The following WDFY3 variants were observed in gnomAD, a reference collection of about 807,000 sequenced individuals.
WDFY3 encodes the protein WD repeat and FYVE domain-containing protein 3.
WDFY3 carries 66 observed loss-of-function variants against 409.6 expected under a neutral mutation model. That is an observed-to-expected ratio of 0.16 (90% CI 0.13 to 0.20). The LOEUF is 0.20. Among genes scored for constraint, WDFY3 ranks in the 10% least tolerant of loss-of-function variants. The probability of loss-of-function intolerance (pLI) is 1.00; values close to 1 mark genes in which losing one functional copy is unlikely to be tolerated. For missense variants in WDFY3, 3,031 were observed against 4,298.1 expected, an observed-to-expected ratio of 0.71 and a Z score of 8.24; for synonymous variants, 1,521 against 1,537.1, an observed-to-expected ratio of 0.99 and a Z score of 0.25.
At chr4:84,849,695 GGCAGAGTA>G (rs2150105423) in intron 5 of WDFY3, 199 bp downstream of exon 5, 5 of 532,006 alleles carry the variant, frequency 9.4e-6, no homozygotes, top group Middle Eastern at 5.2e-4. Context: ...TAGTGGTCCA[GGCAGAGTA>G]GCCTTGAGCA....
intron 32 of WDFY3, among the ~76,000 whole-genome samples, chr4:84,757,544 T>C (rs1741673372): frequency 6.6e-6 from 1 of 152,188 alleles, no homozygotes; most frequent in South Asian, 2.1e-4. Flanking sequence ...TTTAGAATGC[T>C]ACAAAAACAT....
At chr4:84,791,317 G>A (rs923150162) in intron 21 of WDFY3, among the ~76,000 whole-genome samples, 14 of 152,106 alleles carry the variant, frequency 9.2e-5, no homozygotes, top group African/African-American at 3.1e-4. Context: ...CATATACTGC[G>A]TGACTCCACT....
At chr4:84,753,934 T>A in intron 34 of WDFY3, 58 bp from the exon 35 acceptor site, 6 of 1,448,936 alleles carry the variant, frequency 4.1e-6, no homozygotes, top group Non-Finnish European at 5.5e-6. Flanking sequence ...TGCTATAAAT[T>A]ATTTTAAAAA....
chr4:84,733,722 T>C (rs760692167), intron 43 of WDFY3, 113 bp from the exon 44 acceptor site: 44 of 1,009,894 alleles, frequency 4.4e-5, no homozygotes, highest in Admixed American at 1.3e-4. Flanking sequence ...ATCCACACCA[T>C]TTCAGTTAAC....
intron 64 of WDFY3, among the ~76,000 whole-genome samples, chr4:84,681,544 C>A (rs1038348762): frequency 6.6e-6 from 1 of 152,190 alleles, no homozygotes; most frequent in African/African-American, 2.4e-5. Flanking sequence ...AAGCTACTTT[C>A]AGCTTATATA....
chr4:84,678,152 A>G lies in WDFY3; in HGVS notation c.10259+16T>C. On this transcript the variant is annotated intron_variant, in intron 66 of 67. Coordinates refer to ENST00000295888, the MANE Select transcript of WDFY3 (RefSeq NM_014991.6). ...ACTCAGATGGGAAGCGGAGCTGGAA[A>G]AAGCCTGACACTTACTTGGAGATGC... 2 of 1,606,496 alleles carry G rather than the reference A, an allele frequency of 1.2e-6. No individual in the cohort carries two copies. Among genetic ancestry groups the G allele is most frequent in the Non-Finnish European group, 1.7e-6 (2 of 1,173,116 alleles).
chr4:84,738,917 C>T, intron 40 of WDFY3, 93 bp downstream of exon 40: 11 of 1,292,800 alleles, frequency 8.5e-6, no homozygotes, highest in East Asian at 2.3e-5. Flanking sequence ...GCTATCAATG[C>T]TGGCAGTTTC....
chr4:84,933,554 A>C (rs922146152), intron 1 of WDFY3, among the ~76,000 whole-genome samples: 3 of 151,916 alleles, frequency 2.0e-5, no homozygotes, highest in African/African-American at 7.3e-5. Context: ...CATTCCAATT[A>C]TACTTATTTT....
chr4:84,675,965 T>G (rs753742248), intron 67 of WDFY3, among the ~76,000 whole-genome samples: 50 of 152,074 alleles, frequency 3.3e-4, no homozygotes, highest in Non-Finnish European at 6.2e-4. Context: ...ATGTGAAAAA[T>G]AAAACTTTGA....
chr4:84,705,582 G>T, intron 53 of WDFY3, 71 bp from the exon 54 acceptor site: 1 of 1,219,218 alleles, frequency 8.2e-7, no homozygotes, highest in Non-Finnish European at 1.2e-6. Flanking sequence ...AGATACAGTG[G>T]CTGTTGTGGA....
chr4:84,940,701 C>T (rs961502364), intron 1 of WDFY3, among the ~76,000 whole-genome samples: 12 of 151,748 alleles, frequency 7.9e-5, no homozygotes, highest in African/African-American at 2.7e-4. Context: ...GATATCAAAA[C>T]CAGACAAAGA....
chr4:84,725,758 G>A (rs1735552597), intron 45 of WDFY3, among the ~76,000 whole-genome samples: 1 of 152,060 alleles, frequency 6.6e-6, no homozygotes, highest in Admixed American at 6.6e-5. Flanking sequence ...CCCTTTTCAA[G>A]CAACATTTTT....
chr4:84,705,933 C>T (rs951829753), intron 53 of WDFY3, among the ~76,000 whole-genome samples: 1 of 151,938 alleles, frequency 6.6e-6, no homozygotes, highest in Non-Finnish European at 1.5e-5. Flanking sequence ...TCCCTCCCTC[C>T]ACCCCCGCCC....
chr4:84,736,033 C>A, intron 42 of WDFY3, 137 bp downstream of exon 42: 1 of 907,840 alleles, frequency 1.1e-6, no homozygotes, highest in Non-Finnish European at 1.5e-6. Flanking sequence ...AGAGAAATTC[C>A]CATAGTCTGG....
intron 56 of WDFY3, among the ~76,000 whole-genome samples, chr4:84,701,908 C>G (rs1284664069): frequency 1.3e-5 from 2 of 152,226 alleles, no homozygotes; most frequent in African/African-American, 4.8e-5. Flanking sequence ...GGATGTACCA[C>G]TCTTAGCTAT....
At position 84,821,363 on chromosome 4, in the gene WDFY3, G is replaced by T; in HGVS notation, c.1312C>A (p.Pro438Thr). The T allele has an allele frequency of 1.2e-6, 2 of 1,613,780 alleles. No individual in the cohort carries two copies. The highest frequency in any genetic ancestry group is 2.2e-5 in the South Asian group (2 of 91,074). Reference sequence around the variant, plus strand: ...TCAAAGTATTTGTTTTGTACTTCTGGGAGTTTAGAAATCTTCTCTGCAAAC... The same window carrying T: ...TCAAAGTATTTGTTTTGTACTTCTGTGAGTTTAGAAATCTTCTCTGCAAAC... ...SQFAEKISKL[P>T]EVQNKYFEML... Residue 438 changes from proline to threonine, a missense_variant, in exon 11 of 68, where the codon CCA (proline) becomes ACA (threonine). By Grantham distance (38) the Pro-to-Thr change is conservative. This residue lies in a region of WDFY3 where 1,322 missense variants were observed against 1,697.9 expected (regional missense o/e 0.78). Coordinates refer to ENST00000295888, the MANE Select transcript of WDFY3 (RefSeq NM_014991.6).
At chr4:84,757,634 G>A (rs539179522) in intron 32 of WDFY3, among the ~76,000 whole-genome samples, 2 of 152,216 alleles carry the variant, frequency 1.3e-5, no homozygotes, top group African/African-American at 4.8e-5. Flanking sequence ...CTGGAGTGCA[G>A]TGCCATGATA....
intron 1 of WDFY3, among the ~76,000 whole-genome samples, chr4:84,937,740 T>G (rs1771610201): frequency 6.6e-6 from 1 of 152,154 alleles, no homozygotes; most frequent in Non-Finnish European, 1.5e-5. Context: ...CTATAAAATT[T>G]GGCCCCTATT....
intron 36 of WDFY3, among the ~76,000 whole-genome samples, chr4:84,746,288 G>T (rs1327168564): frequency 4.0e-5 from 6 of 151,872 alleles, no homozygotes. Flanking sequence ...CTGCATTCCA[G>T]ACTATGCAAC....
Sources: allele counts gnomAD v4.1 joint callset (sites outside exome capture counted in the v4.1 genomes callset), GRCh38; gene constraint gnomAD v4.1.1; regional missense constraint gnomAD v4.1.1; transcripts MANE v1.5; gene names NCBI Gene and HGNC (gene_info 2026-07-23, HGNC 2026-07-21).